Variants in SKAP1 observed in about 807,000 individuals in gnomAD.
SKAP1 encodes src kinase-associated phosphoprotein 1.
Under a neutral mutation model 58.5 loss-of-function variants are expected in SKAP1, and 44 were observed. That is an observed-to-expected ratio of 0.75 (90% CI 0.59 to 0.97). SKAP1 has a LOEUF of 0.97. Ranked by LOEUF, SKAP1 falls within the 50% of genes least tolerant of loss-of-function variation. SKAP1 has a pLI of 0.00. For missense variants in SKAP1, 390 were observed against 435.2 expected, an observed-to-expected ratio of 0.90 and a Z score of 0.92; for synonymous variants, 127 against 149.7, an observed-to-expected ratio of 0.85 and a Z score of 1.11.
rs1291956881 is a variant in SKAP1, at chr17:48,364,678, A to G, written c.153-864T>C. ...TGACAGAGCGAGACTCCATCTCAAC[A>G]AAACAAAACAAACAACAACAACAAC... On this transcript the variant is annotated intron_variant, in intron 2 of 12. Transcript: ENST00000336915. Among the ~76,000 whole-genome samples, 5 of 152,180 alleles carry G rather than the reference A, an allele frequency of 3.3e-5. No individual in the cohort carries two copies. The East Asian group carries it at 9.6e-4, about 29-fold the overall frequency.
intron 1 of SKAP1, among the ~76,000 whole-genome samples, chr17:48,413,087 G>T (rs991351580): frequency 6.7e-6 from 1 of 149,894 alleles, no homozygotes; most frequent in Non-Finnish European, 1.5e-5. Context: ...GAAGTAAAAA[G>T]CAAGGTCTAC....
intron 4 of SKAP1, among the ~76,000 whole-genome samples, chr17:48,216,697 A>G (rs997873200): frequency 7.9e-5 from 12 of 151,976 alleles, no homozygotes; most frequent in African/African-American, 2.9e-4. Flanking sequence ...TCGCCATGTT[A>G]TCTAGGCTAG....
chr17:48,135,356 T>C (rs2063685455), intron 12 of SKAP1, among the ~76,000 whole-genome samples: 1 of 152,192 alleles, frequency 6.6e-6, no homozygotes, highest in Admixed American at 6.5e-5. Context: ...TCCATCAGAA[T>C]CTTAATTCTA....
intron 4 of SKAP1, chr17:48,307,178 G>A (rs184568461): frequency 6.6e-6 from 1 of 152,312 alleles, no homozygotes; most frequent in African/African-American, 2.4e-5. Context: ...TCATTTCAAA[G>A]TTTCATTAAC....
chr17:48,441,919 G>A, the SKAP1 span, among the ~76,000 whole-genome samples: 1 of 152,114 alleles, frequency 6.6e-6, no homozygotes, highest in East Asian at 1.9e-4. Flanking sequence ...ATCTCGAAAG[G>A]TGGAGATTTC....
rs533464105 is a variant in SKAP1, at chr17:48,271,606, C to G, written c.280+74299G>C. ...TGAACTACTGGCCTCAAGCAGTCTT[C>G]CTGCCTCAGCCTCCCAAAGTGCTGG... On this transcript the variant is annotated intron_variant, in intron 4 of 12. Transcript: ENST00000336915. Among the ~76,000 whole-genome samples, 238 of 152,242 alleles carry G rather than the reference C, an allele frequency of 1.6e-3. 3 individuals carry two copies. Among genetic ancestry groups the G allele is most frequent in the African/African-American group, 5.4e-3 (225 of 41,554 alleles).
At chr17:48,140,912 G>A (rs111696190) in intron 11 of SKAP1, among the ~76,000 whole-genome samples, 3,300 of 151,526 alleles carry the variant, frequency 0.022, 114 homozygotes, top group African/African-American at 0.076. Flanking sequence ...TCAGCCTCCC[G>A]AGTAGCTAGG....
chr17:48,390,410 C>A (rs1344726834), intron 2 of SKAP1, among the ~76,000 whole-genome samples: 13 of 152,106 alleles, frequency 8.5e-5, no homozygotes, highest in Admixed American at 8.5e-4. Context: ...TACAGATGAT[C>A]TTTTCACACA....
At chr17:48,266,513 C>CTT (rs67981214) in intron 4 of SKAP1, among the ~76,000 whole-genome samples, 37 of 138,534 alleles carry the variant, frequency 2.7e-4, no homozygotes, top group South Asian at 9.3e-4. Context: ...TTCTTACTTT[C>CTT]TTTTTTTTTT....
At chr17:48,264,209 T>C (rs1185658589) in intron 4 of SKAP1, among the ~76,000 whole-genome samples, 1 of 148,458 alleles carries the variant, frequency 6.7e-6, no homozygotes, top group African/African-American at 2.6e-5. Flanking sequence ...TCAGCAACAC[T>C]ACTTTATATA....
intron 4 of SKAP1, among the ~76,000 whole-genome samples, chr17:48,256,282 C>T (rs2143904736): frequency 6.6e-6 from 1 of 151,840 alleles, no homozygotes; most frequent in East Asian, 1.9e-4. Context: ...CCCATGTAAA[C>T]TTTATTAATG....
chr17:48,348,891 T>C (rs994256561), intron 3 of SKAP1, among the ~76,000 whole-genome samples: 9 of 152,280 alleles, frequency 5.9e-5, no homozygotes, highest in Middle Eastern at 3.4e-3. Flanking sequence ...CACAACGACA[T>C]AGATATACAA....
At chr17:48,299,958 T>C (rs1348257502) in intron 4 of SKAP1, among the ~76,000 whole-genome samples, 2 of 152,076 alleles carry the variant, frequency 1.3e-5, no homozygotes, top group African/African-American at 4.8e-5. Context: ...GTTTCACATG[T>C]AGGAGGTAAG....
intron 4 of SKAP1, among the ~76,000 whole-genome samples, chr17:48,290,067 G>A (rs2065881328): frequency 6.6e-6 from 1 of 152,066 alleles, no homozygotes; most frequent in African/African-American, 2.4e-5. Context: ...GGATTTATAA[G>A]ATCTCAAAAT....
At chr17:48,419,826 A>G (rs983992306) in intron 1 of SKAP1, among the ~76,000 whole-genome samples, 4 of 152,196 alleles carry the variant, frequency 2.6e-5, no homozygotes, top group African/African-American at 9.7e-5. Context: ...TAACATACTC[A>G]TATTAGAATG....
At chr17:48,276,429 G>A (rs1435451018) in intron 4 of SKAP1, among the ~76,000 whole-genome samples, 6 of 152,202 alleles carry the variant, frequency 3.9e-5, no homozygotes, top group Admixed American at 3.3e-4. Context: ...ATTATGGTTA[G>A]TTGTACACAT....
the SKAP1 span, among the ~76,000 whole-genome samples, chr17:48,441,944 G>A: frequency 6.6e-6 from 1 of 152,070 alleles, no homozygotes; most frequent in Non-Finnish European, 1.5e-5. Context: ...CCTTTTCCAG[G>A]ATCCCTTTAC....
intron 4 of SKAP1, among the ~76,000 whole-genome samples, chr17:48,321,103 G>A (rs1246218922): frequency 6.6e-6 from 1 of 152,046 alleles, no homozygotes; most frequent in Non-Finnish European, 1.5e-5. Context: ...AGAGAAACAA[G>A]CAACACTCAG....
rs1047158546 is a variant in SKAP1, at chr17:48,184,582, C to T, written c.567+141G>A. Reference sequence around the variant, plus strand: ...TGGCATAGCAAATATGAGGACATGCCAAGAAATAGGGTCTTCGTTGGCATG... The same window carrying T: ...TGGCATAGCAAATATGAGGACATGCTAAGAAATAGGGTCTTCGTTGGCATG... On this transcript the variant is annotated intron_variant, in intron 7 of 12. Transcript: ENST00000336915. 7.5e-6 allele frequency: 8 copies of T among 1,064,542 alleles called. No homozygotes were observed. The Admixed American group carries it at 7.7e-5, about 10-fold the overall frequency. 65.9% of individuals were successfully genotyped at this position (1,064,542 alleles called of 1,614,324 possible).
Sources: allele counts gnomAD v4.1 joint callset (sites outside exome capture counted in the v4.1 genomes callset), GRCh38; gene constraint gnomAD v4.1.1; transcripts MANE v1.5; gene names NCBI Gene and HGNC (gene_info 2026-07-23, HGNC 2026-07-21).